Variants in USP33 observed in about 807,000 individuals in gnomAD.
The protein encoded by USP33 is ubiquitin carboxyl-terminal hydrolase 33.
USP33 carries 46 observed loss-of-function variants against 124.2 expected under a neutral mutation model. That is an observed-to-expected ratio of 0.37 (90% CI 0.29 to 0.47). The LOEUF is 0.47. Among genes scored for constraint, USP33 ranks in the 20% least tolerant of loss-of-function variants. The probability of loss-of-function intolerance (pLI) is 0.99; values close to 1 mark genes in which losing one functional copy is unlikely to be tolerated. For synonymous variants in USP33, 350 were observed against 352.3 expected, an observed-to-expected ratio of 0.99 and a Z score of 0.07; for missense variants, 851 against 1,070.6, an observed-to-expected ratio of 0.79 and a Z score of 2.86.
chr1:77,752,843 C>T (rs1450973290), intron 1 of USP33, among the ~76,000 whole-genome samples: 2 of 150,438 alleles, frequency 1.3e-5, no homozygotes, highest in Admixed American at 6.6e-5. Context: ...TTTGCGAGGC[C>T]GAGGCCGGTG....
chr1:77,752,571 CA>C (rs1006435285), intron 1 of USP33, among the ~76,000 whole-genome samples: 4 of 151,862 alleles, frequency 2.6e-5, no homozygotes, highest in Non-Finnish European at 4.4e-5. Flanking sequence ...ATTCACATTA[CA>C]GAGAAAAAAA....
At chr1:77,711,719 A>G in intron 21 of USP33, 28 bp downstream of exon 21, 1 of 1,595,584 alleles carries the variant, frequency 6.3e-7, no homozygotes, top group East Asian at 2.2e-5. Flanking sequence ...TTTATCCTAG[A>G]TCAATTTGAA....
intron 1 of USP33, among the ~76,000 whole-genome samples, chr1:77,743,067 C>T (rs949129510): frequency 1.3e-4 from 19 of 151,986 alleles, no homozygotes. Context: ...CTCAGCCTCC[C>T]GAGTAGCTGG....
At chr1:77,701,272 T>C (rs1673981985) in intron 22 of USP33, 97 bp downstream of exon 22, 3 of 779,700 alleles carry the variant, frequency 3.8e-6, no homozygotes, top group South Asian at 1.8e-5. Flanking sequence ...TTCTGTTCAA[T>C]AGTGTAATCC....
chr1:77,698,626 G>A (rs1308763329), intron 22 of USP33, among the ~76,000 whole-genome samples: 3 of 149,506 alleles, frequency 2.0e-5, no homozygotes, highest in South Asian at 2.1e-4. Context: ...TCAGCCTCCC[G>A]AGTAGCTGGG....
intron 7 of USP33, among the ~76,000 whole-genome samples, chr1:77,732,645 G>T (rs1677956438): frequency 6.6e-6 from 1 of 152,096 alleles, no homozygotes; most frequent in Non-Finnish European, 1.5e-5. Flanking sequence ...CCGTCACACA[G>T]ATTTTCTTCC....
At chr1:77,721,955 A>G in intron 13 of USP33, 30 bp from the exon 14 acceptor site, 1 of 1,602,508 alleles carries the variant, frequency 6.2e-7, no homozygotes, top group Non-Finnish European at 8.5e-7. Context: ...AAAAAAAGGA[A>G]GTGTTCTGCC....
At chr1:77,715,033 G>T in intron 18 of USP33, 1 of 327,892 alleles carries the variant, frequency 3.0e-6, no homozygotes, top group Non-Finnish European at 5.4e-6. Flanking sequence ...TTGTTAATAA[G>T]ATCAAGCTAA....
At position 77,728,347 on chromosome 1, in the gene USP33, G is replaced by A. The variant is rs758210537; in HGVS notation, c.1083C>T (p.Val361=). ...DKDRDSISET[V]DLNNQETVKV... The stretch of plus-strand genomic sequence containing the variant: ...TGACAGTTTCCTGGTTGTTTAAGTC[G>A]ACTGTTTCAGATATAGAGTCTCTAT... Residue 361 remains valine, a synonymous_variant, in exon 10 of 24, where the codon GTC becomes GTT. Coordinates refer to ENST00000370794, the MANE Select transcript of USP33 (RefSeq NM_201624.3). The A allele has an allele frequency of 3.7e-6, 6 of 1,608,862 alleles. No homozygotes were observed. Among genetic ancestry groups the A allele is most frequent in the South Asian group, 1.1e-5 (1 of 89,332 alleles).
Position 77,697,187 on chromosome 1 carries a change from G to T in USP33, c.*130C>A. 1 of 881,262 alleles carries T rather than the reference G, an allele frequency of 1.1e-6. No homozygotes were observed. 54.6% of individuals were successfully genotyped at this position (881,262 alleles called of 1,614,324 possible). Reference sequence around the variant, plus strand: ...TATATTCTTCCATAATGCCCACTAAGAAGAAATAAATGGGATAAATGATGA... The same window carrying T: ...TATATTCTTCCATAATGCCCACTAATAAGAAATAAATGGGATAAATGATGA... On this transcript the variant is annotated 3_prime_UTR_variant, in exon 24 of 24. Transcript: ENST00000370794.
intron 22 of USP33, 137 bp from the exon 23 acceptor site, chr1:77,698,068 CT>C (rs371568762): frequency 0.17 from 72,739 of 419,796 alleles, no homozygotes; most frequent in South Asian, 0.24. Flanking sequence ...ATAGTTAATT[CT>C]TTTTTTTTTT....
chr1:77,715,943 T>C (rs1471572707), intron 17 of USP33, 75 bp from the exon 18 acceptor site: 1 of 1,465,204 alleles, frequency 6.8e-7, no homozygotes, highest in African/African-American at 1.4e-5. Flanking sequence ...TTTTTATATT[T>C]CCAGTGCCTA....
chr1:77,720,740 T>C (rs1441494875), intron 15 of USP33, among the ~76,000 whole-genome samples: 1 of 152,204 alleles, frequency 6.6e-6, no homozygotes, highest in Non-Finnish European at 1.5e-5. Context: ...TGGTAGTAGA[T>C]GTAAACAAAA....
intron 7 of USP33, among the ~76,000 whole-genome samples, chr1:77,732,816 C>T (rs1338186746): frequency 4.4e-5 from 5 of 114,778 alleles, no homozygotes; most frequent in South Asian, 2.7e-4. Context: ...TTTTTTTTGA[C>T]GGAGTCTCAC....
At position 77,734,418 on chromosome 1, in the gene USP33, T is replaced by A; in HGVS notation, c.455-2A>T. On this transcript the variant is annotated splice_acceptor_variant, in intron 6 of 23. Transcript: ENST00000370794. LOFTEE classifies it high-confidence loss of function. ...CAATATTTTTCAAACCTGTAAGACC[T>A]ATTAAGAAAAAATATACATGAAGTC... 1 of 1,573,862 alleles carries A rather than the reference T, an allele frequency of 6.4e-7. No homozygotes were observed. Among genetic ancestry groups the A allele is most frequent in the Admixed American group, 1.9e-5 (1 of 53,140 alleles).
chr1:77,725,815 T>C, intron 10 of USP33, 53 bp from the exon 11 acceptor site: 2 of 1,450,322 alleles, frequency 1.4e-6, no homozygotes, highest in Non-Finnish European at 1.9e-6. Context: ...TTATTCTAAC[T>C]GTCCAATAAT....
Position 77,721,898 on chromosome 1 carries a change from C to T in USP33, c.1590G>A (p.Trp530Ter). ...KRFVVSCVPS[W>*]FWGPVVTLQD... ...GCAAGGTTACTACTGGACCCCAAAA[C>T]CAGCTAGGGACACATGAGACAACAA... Residue 530 changes from tryptophan to a stop codon, truncating the protein, a stop_gained, in exon 14 of 24, where the codon TGG becomes TGA. Coordinates refer to ENST00000370794, the MANE Select transcript of USP33 (RefSeq NM_201624.3). LOFTEE classifies it high-confidence loss of function. 1 of 1,610,370 alleles carries T rather than the reference C, an allele frequency of 6.2e-7. No homozygotes were observed. Among genetic ancestry groups the T allele is most frequent in the Non-Finnish European group, 8.5e-7 (1 of 1,179,154 alleles).
intron 21 of USP33, among the ~76,000 whole-genome samples, chr1:77,703,085 T>A (rs1333891477): frequency 6.6e-6 from 1 of 152,128 alleles, no homozygotes; most frequent in Non-Finnish European, 1.5e-5. Context: ...CTTATAAAAA[T>A]AGCCCAGAAG....
At chr1:77,718,496 T>C in intron 16 of USP33, 100 bp downstream of exon 16, 2 of 982,710 alleles carry the variant, frequency 2.0e-6, no homozygotes, top group East Asian at 4.8e-5. Context: ...AATCATTCAA[T>C]TCTTCAACCA....
Sources: allele counts gnomAD v4.1 joint callset (sites outside exome capture counted in the v4.1 genomes callset), GRCh38; gene constraint gnomAD v4.1.1; transcripts MANE v1.5; gene names NCBI Gene and HGNC (gene_info 2026-07-23, HGNC 2026-07-21).